EYA2: variants seen among roughly 807,000 people sequenced by gnomAD.
The protein encoded by EYA2 is protein phosphatase EYA2.
In EYA2, 31 loss-of-function variants were observed where a neutral mutation model predicts 69.2. The ratio of observed to expected loss-of-function variants is 0.45; its 90% CI spans 0.34 to 0.60. EYA2 has a LOEUF of 0.60. Ranked by LOEUF, EYA2 falls within the 20% of genes least tolerant of loss-of-function variation. EYA2 has a pLI of 0.02. For missense variants in EYA2, 622 were observed against 701.2 expected, an observed-to-expected ratio of 0.89 and a Z score of 1.28; for synonymous variants, 257 against 279.4, an observed-to-expected ratio of 0.92 and a Z score of 0.80.
chr20:46,953,531 G>A (rs1408535313), intron 1 of EYA2, among the ~76,000 whole-genome samples: 1 of 152,188 alleles, frequency 6.6e-6, no homozygotes. Flanking sequence ...TTTAGAGTTG[G>A]CCTTGAGAAC....
At position 47,106,885 on chromosome 20, in the gene EYA2, C is replaced by T. The variant is rs118046601; in HGVS notation, c.888+9717C>T. 2.0e-5 allele frequency among the ~76,000 whole-genome samples: 3 copies of T among 152,212 alleles called. No homozygotes were observed. In the East Asian group the frequency reaches 5.8e-4, roughly 29 times the overall value. ...AGGGAACTGAGGGAGCAGAGAGTAA[C>T]AACTCACATCTCGCCCATGTTCTTG... is the stretch of plus-strand genomic sequence containing the variant. On this transcript the variant is annotated intron_variant, in intron 9 of 15. Transcript: ENST00000327619.
chr20:47,104,702 T>C (rs7261277), intron 9 of EYA2, among the ~76,000 whole-genome samples: 5,018 of 152,258 alleles, frequency 0.033, 147 homozygotes, highest in African/African-American at 0.08. Context: ...TTTCCCCTAC[T>C]GAATTGTCTC....
In EYA2 at chr20:47,095,958, G is replaced by A. The variant is rs1251767525; in HGVS notation, c.805-1127G>A. On this transcript the variant is annotated intron_variant, in intron 8 of 15. Transcript: ENST00000327619. The stretch of plus-strand genomic sequence containing the variant: ...GCCTAAAAATGATCCAGTCCACATT[G>A]GAGGTTTCTATCACTGAGGATAGAT... The A allele has an allele frequency of 3.3e-5, 5 of 152,190 alleles. No individual in the cohort carries two copies. The East Asian group carries it at 9.6e-4, about 29-fold the overall frequency. The allele number at this position is 152,190 out of a possible 1,614,324, so 9.4% of individuals were successfully genotyped here.
At chr20:46,989,562 C>T (rs1161636523) in intron 1 of EYA2, among the ~76,000 whole-genome samples, 2 of 152,196 alleles carry the variant, frequency 1.3e-5, no homozygotes, top group Admixed American at 6.5e-5. Flanking sequence ...CCACCACACC[C>T]GGCCTGTTTT....
At chr20:46,987,669 G>A (rs555576678) in intron 1 of EYA2, among the ~76,000 whole-genome samples, 4 of 152,150 alleles carry the variant, frequency 2.6e-5, no homozygotes, top group South Asian at 2.1e-4. Flanking sequence ...GCTCACACCC[G>A]TAATCCCAAC....
Position 47,188,313 on chromosome 20 carries a change from AG to A in EYA2, c.*182del. The A allele has an allele frequency of 1.6e-6, 1 of 626,670 alleles. No homozygotes were observed. The highest frequency in any genetic ancestry group is 2.8e-5 in the Admixed American group (1 of 36,236). The allele number at this position is 626,670 out of a possible 1,614,324, so 38.8% of individuals were successfully genotyped here. On this transcript the variant is annotated 3_prime_UTR_variant, in exon 16 of 16. Coordinates refer to ENST00000327619, the MANE Select transcript of EYA2 (RefSeq NM_005244.5). ...ATCAGTCCAAATGGGGGTTCTGAGA[AG>A]GAAAGTACCCAACATTGGCTTCGGA...
chr20:47,092,614 G>A (rs186942053), intron 8 of EYA2, among the ~76,000 whole-genome samples: 2 of 152,144 alleles, frequency 1.3e-5, no homozygotes, highest in African/African-American at 4.8e-5. Context: ...GGGAACGGCG[G>A]GGGTAGAGAG....
At chr20:47,128,980 C>T (rs891737553) in intron 9 of EYA2, among the ~76,000 whole-genome samples, 5 of 152,116 alleles carry the variant, frequency 3.3e-5, no homozygotes, top group Admixed American at 6.5e-5. Context: ...AAAAATTAGC[C>T]GAGCATGGTG....
chr20:47,138,160 A>T (rs977140804), intron 9 of EYA2, among the ~76,000 whole-genome samples: 4 of 147,030 alleles, frequency 2.7e-5, no homozygotes, highest in African/African-American at 1.0e-4. Flanking sequence ...TAAAAATTAA[A>T]AAAAAAAAAG....
chr20:46,937,384 T>G (rs141431643), intron 1 of EYA2, among the ~76,000 whole-genome samples: 1 of 152,318 alleles, frequency 6.6e-6, no homozygotes, highest in African/African-American at 2.4e-5. Flanking sequence ...GTACTCACTT[T>G]TGGGTTGTTG....
chr20:47,088,799 C>T (rs1401457218), intron 7 of EYA2, among the ~76,000 whole-genome samples: 1 of 152,218 alleles, frequency 6.6e-6, no homozygotes, highest in Non-Finnish European at 1.5e-5. Flanking sequence ...GTTGCCTAGG[C>T]TGGTCTCAAA....
intron 10 of EYA2, among the ~76,000 whole-genome samples, chr20:47,158,027 C>T (rs2146627516): frequency 6.6e-6 from 1 of 152,038 alleles, no homozygotes; most frequent in Non-Finnish European, 1.5e-5. Context: ...CCCTGCGATC[C>T]CAGCACCTAC....
chr20:46,981,282 G>T (rs1980818091), intron 1 of EYA2, among the ~76,000 whole-genome samples: 1 of 152,192 alleles, frequency 6.6e-6, no homozygotes, highest in South Asian at 2.1e-4. Flanking sequence ...AGAATTTTTG[G>T]AAGGGTTTTA....
intron 9 of EYA2, among the ~76,000 whole-genome samples, chr20:47,114,180 C>T (rs2032829961): frequency 6.6e-6 from 1 of 152,102 alleles, no homozygotes; most frequent in Admixed American, 6.5e-5. Context: ...CAGGTGAATG[C>T]CCATGTCACA....
intron 9 of EYA2, among the ~76,000 whole-genome samples, chr20:47,131,993 G>T (rs759322092): frequency 6.6e-6 from 1 of 152,126 alleles, no homozygotes; most frequent in Non-Finnish European, 1.5e-5. Flanking sequence ...TTGAAACAGG[G>T]TCTCACTCTG....
chr20:46,950,540 C>A (rs969189522), intron 1 of EYA2, among the ~76,000 whole-genome samples: 7 of 152,144 alleles, frequency 4.6e-5, no homozygotes, highest in African/African-American at 1.7e-4. Flanking sequence ...CACCAAGGGG[C>A]AGGAAAGCCC....
intron 5 of EYA2, among the ~76,000 whole-genome samples, chr20:47,068,346 G>A (rs2031191051): frequency 6.6e-6 from 1 of 152,232 alleles, no homozygotes; most frequent in Non-Finnish European, 1.5e-5. Context: ...GAAAGGCCCT[G>A]AGCTGGGAAG....
chr20:47,158,257 G>A (rs927328716), intron 10 of EYA2, among the ~76,000 whole-genome samples: 1 of 152,008 alleles, frequency 6.6e-6, no homozygotes, highest in African/African-American at 2.4e-5. Flanking sequence ...GCTCACGCCT[G>A]TAATTTCAGC....
chr20:46,987,916 GTCTCTCTCTCTC>G lies in EYA2; in HGVS notation c.-10-2047_-10-2036del, dbSNP rs1555809755. On this transcript the variant is annotated intron_variant, in intron 1 of 15. Transcript: ENST00000327619. Reference sequence around the variant, plus strand: ...TACTCCAGCCTGGAAGACAGAGTAAGTCTCTCTCTCTCTCTCTCTCTCTCTCTCTCTCTCTCT... The same window carrying G: ...TACTCCAGCCTGGAAGACAGAGTAAGTCTCTCTCTCTCTCTCTCTCTCTCT... 3.3e-3 allele frequency among the ~76,000 whole-genome samples: 67 copies of G among 20,350 alleles called. 2 individuals carry two copies. The highest frequency in any genetic ancestry group is 0.017 in the East Asian group (10 of 596). The allele number at this position is 20,350 out of a possible 152,430, so 13.4% of individuals were successfully genotyped here. A position where few individuals can be genotyped will look rare whatever the true frequency, so the allele number is the denominator to read the frequency against.
Sources: allele counts gnomAD v4.1 joint callset (sites outside exome capture counted in the v4.1 genomes callset), GRCh38; gene constraint gnomAD v4.1.1; transcripts MANE v1.5; gene names NCBI Gene and HGNC (gene_info 2026-07-23, HGNC 2026-07-21).